The following ARB2A variants were observed in gnomAD, a reference collection of about 807,000 sequenced individuals.
The protein encoded by ARB2A is ARB2 cotranscriptional regulator A.
the ARB2A span, among the ~76,000 whole-genome samples, chr5:93,702,859 T>A: frequency 6.6e-6 from 1 of 152,252 alleles, no homozygotes; most frequent in Non-Finnish European, 1.5e-5. Context: ...CATTATTTAA[T>A]TATTAATCCT....
At chr5:94,031,426 G>A in the ARB2A span, among the ~76,000 whole-genome samples, 4 of 152,154 alleles carry the variant, frequency 2.6e-5, no homozygotes, top group Admixed American at 2.6e-4. Flanking sequence ...CATGCCCTAG[G>A]ACTTAATAGA....
chr5:94,021,556 A>G, the ARB2A span, among the ~76,000 whole-genome samples: 55 of 152,186 alleles, frequency 3.6e-4, no homozygotes, highest in African/African-American at 1.3e-3. Flanking sequence ...CATAGACAAC[A>G]GCAAGAGCTC....
At chr5:94,099,210 T>C in the ARB2A span, among the ~76,000 whole-genome samples, 1 of 152,118 alleles carries the variant, frequency 6.6e-6, no homozygotes, top group Non-Finnish European at 1.5e-5. Flanking sequence ...TTGATGAACA[T>C]TGATGCAAAA....
At chr5:93,964,591 G>T in the ARB2A span, 1 of 1,146,190 alleles carries the variant, frequency 8.7e-7, no homozygotes, top group Non-Finnish European at 1.2e-6. Flanking sequence ...ATAAATTTTG[G>T]TAAATTGTTG....
At chr5:93,686,510 C>T in the ARB2A span, among the ~76,000 whole-genome samples, 3 of 152,162 alleles carry the variant, frequency 2.0e-5, no homozygotes, top group Non-Finnish European at 2.9e-5. Flanking sequence ...TAAAATAATT[C>T]CCTTTCTTAC....
the ARB2A span, among the ~76,000 whole-genome samples, chr5:94,022,226 G>A: frequency 1.3e-5 from 2 of 152,118 alleles, no homozygotes; most frequent in African/African-American, 4.8e-5. Context: ...TTATCTTCCA[G>A]AATCAAAGGA....
chr5:93,735,776 T>G, the ARB2A span: 3 of 152,240 alleles, frequency 2.0e-5, no homozygotes, highest in South Asian at 6.2e-4. Context: ...CTTTAGACAC[T>G]GACAAGAAGA....
chr5:93,653,232 G>T, the ARB2A span, among the ~76,000 whole-genome samples: 2 of 151,928 alleles, frequency 1.3e-5, no homozygotes, highest in Admixed American at 6.6e-5. Context: ...CATATAAAAA[G>T]ACATTAATTC....
chr5:93,737,528 C>A, the ARB2A span: 1 of 152,738 alleles, frequency 6.5e-6, no homozygotes, highest in Admixed American at 6.6e-5. Flanking sequence ...TATATACGTG[C>A]CATATATATA....
At chr5:93,765,680 A>G in the ARB2A span, among the ~76,000 whole-genome samples, 2 of 152,202 alleles carry the variant, frequency 1.3e-5, no homozygotes, top group Non-Finnish European at 2.9e-5. Flanking sequence ...AGAATTGGAA[A>G]AAACTACTTT....
At chr5:93,639,989 G>A in the ARB2A span, among the ~76,000 whole-genome samples, 9 of 149,934 alleles carry the variant, frequency 6.0e-5, no homozygotes, top group Non-Finnish European at 1.5e-5. Flanking sequence ...AGGCAGAGAC[G>A]GAGGTTGCAG....
chr5:93,894,785 G>A, the ARB2A span, among the ~76,000 whole-genome samples: 2 of 152,188 alleles, frequency 1.3e-5, no homozygotes, highest in Non-Finnish European at 2.9e-5. Flanking sequence ...GCAAATGGCC[G>A]TAAATGCACC....
the ARB2A span, among the ~76,000 whole-genome samples, chr5:93,942,907 G>T: frequency 1.3e-5 from 2 of 152,076 alleles, no homozygotes; most frequent in South Asian, 4.2e-4. Context: ...TTTTTATCTG[G>T]TAACTCTTAG....
At chr5:93,824,213 G>C in the ARB2A span, 1 of 1,593,504 alleles carries the variant, frequency 6.3e-7, no homozygotes, top group Non-Finnish European at 8.5e-7. Context: ...GCAGCAGCCT[G>C]AGCTATGAAA....
chr5:93,965,630 T>C, the ARB2A span, among the ~76,000 whole-genome samples: 1,731 of 152,154 alleles, frequency 0.011, 37 homozygotes, highest in African/African-American at 0.04. Context: ...TAGATGGTAC[T>C]AATGGTCATT....
the ARB2A span, among the ~76,000 whole-genome samples, chr5:94,061,872 A>G: frequency 5.9e-5 from 9 of 152,228 alleles, no homozygotes; most frequent in Non-Finnish European, 1.2e-4. Context: ...AAATTTATCT[A>G]AAAGTTTAAA....
At chr5:93,763,006 G>A in the ARB2A span, among the ~76,000 whole-genome samples, 2 of 152,108 alleles carry the variant, frequency 1.3e-5, no homozygotes, top group African/African-American at 4.8e-5. Flanking sequence ...AATGCTGAGT[G>A]ATTTTGTCAC....
At chr5:94,054,399 G>A in the ARB2A span, among the ~76,000 whole-genome samples, 1 of 151,994 alleles carries the variant, frequency 6.6e-6, no homozygotes, top group Non-Finnish European at 1.5e-5. Flanking sequence ...TTTGAGGACT[G>A]TGTCAGGTAT....
chr5:93,818,863 G>C, the ARB2A span, among the ~76,000 whole-genome samples: 1 of 152,180 alleles, frequency 6.6e-6, no homozygotes, highest in African/African-American at 2.4e-5. Context: ...AGAGTAGGGA[G>C]AATTAACAAA....
Sources: gnomAD v4.1 joint callset for allele counts (sites outside exome capture counted in the v4.1 genomes callset) on GRCh38, gnomAD v4.1.1 for gene constraint, MANE v1.5 for transcripts, NCBI Gene and HGNC (gene_info 2026-07-23, HGNC 2026-07-21) for gene names.